The following MYH10 variants were observed in gnomAD, a reference collection of about 807,000 sequenced individuals.
MYH10 encodes myosin-10.
MYH10 carries 55 observed loss-of-function variants against 257.8 expected under a neutral mutation model. That is an observed-to-expected ratio of 0.21 (90% CI 0.17 to 0.27). The LOEUF is 0.27. Ranked by LOEUF, MYH10 falls within the 10% of genes least tolerant of loss-of-function variation. The pLI is 1.00. For synonymous variants in MYH10, 854 were observed against 921.7 expected (o/e 0.93, Z 1.33); for missense variants, 1,631 against 2,500.6 (o/e 0.65, Z 7.42).
chr17:8,548,398 T>A lies in MYH10; in HGVS notation c.1074A>T (p.Lys358Asn), dbSNP rs2082511851. ...FSHEEILSML[K>N]VVSSVLQFGN... is the part of the protein sequence containing the mutation. ...CAAACTGTAGCACTGAAGATACTAC[T>A]TTAAGCATTGCTTCATATTGATAAA... Residue 358 changes from lysine (K) to asparagine (N), a missense_variant, in exon 11 of 43, where the codon AAA (lysine) becomes AAT (asparagine). By Grantham distance (94) the Lys-to-Asn change is moderately conservative (BLOSUM62 0). Coordinates refer to ENST00000360416, the MANE Select transcript of MYH10 (RefSeq NM_001256012.3). 3 of 1,598,806 alleles carry A rather than the reference T, an allele frequency of 1.9e-6. No individual in the cohort carries two copies.
intron 35 of MYH10, among the ~76,000 whole-genome samples, chr17:8,488,192 C>T (rs553558099): frequency 1.3e-4 from 20 of 152,302 alleles, no homozygotes; most frequent in African/African-American, 4.8e-4. Flanking sequence ...GAGGTGGACA[C>T]ACCTGTCAGC....
chr17:8,484,299 T>G, intron 36 of MYH10, 33 bp from the exon 37 acceptor site: 1 of 1,582,606 alleles, frequency 6.3e-7, no homozygotes, highest in Non-Finnish European at 8.5e-7. Flanking sequence ...TGGGGTGGTT[T>G]ACATTCTTAG....
At chr17:8,547,227 G>A (rs1200003634) in intron 11 of MYH10, among the ~76,000 whole-genome samples, 1 of 152,124 alleles carries the variant, frequency 6.6e-6, no homozygotes, top group East Asian at 1.9e-4. Flanking sequence ...CTTTACAAGA[G>A]TGACCTGATC....
chr17:8,484,026 A>G, intron 37 of MYH10, 112 bp downstream of exon 37: 1 of 1,038,906 alleles, frequency 9.6e-7, no homozygotes, highest in African/African-American at 1.7e-5. Flanking sequence ...TAAAAAACAA[A>G]AATGTATACT....
In MYH10 at chr17:8,545,804, G is replaced by C. The variant is rs2082426083; in HGVS notation, c.1279-204C>G. On this transcript the variant is annotated intron_variant, in intron 12 of 42. Coordinates refer to ENST00000360416, the MANE Select transcript of MYH10 (RefSeq NM_001256012.3). The surrounding 1 kb of genome is among the most constrained non-coding windows in gnomAD (Gnocchi z 4.7). ...CAGGGAATAACGAATTTGGGGGATG[G>C]GTAAAGACGCCTAATAAAAATAAGC... is the stretch of plus-strand genomic sequence containing the variant. Among the ~76,000 whole-genome samples, 1 of 152,082 alleles carries C rather than the reference G, an allele frequency of 6.6e-6. No individual in the cohort carries two copies. Among genetic ancestry groups the C allele is most frequent in the Non-Finnish European group, 1.5e-5 (1 of 68,032 alleles).
intron 1 of MYH10, among the ~76,000 whole-genome samples, chr17:8,624,142 T>C (rs1417090462): frequency 6.6e-6 from 1 of 152,214 alleles, no homozygotes; most frequent in African/African-American, 2.4e-5. Flanking sequence ...AAGTACTGGT[T>C]CTGTGACATT....
In MYH10 at chr17:8,579,265, C is replaced by A. The variant is rs268455; in HGVS notation, c.531-1927G>T. Among the ~76,000 whole-genome samples the A allele has an allele frequency of 9.0e-3, 1,172 of 130,418 alleles. 10 individuals carry two copies. Among genetic ancestry groups the A allele is most frequent in the Admixed American group, 0.015 (201 of 13,140 alleles). The allele number at this position is 130,418 out of a possible 152,430, so 85.6% of individuals were successfully genotyped here. Reference sequence around the variant, plus strand: ...CTGCACCCCAGCCTGGGCAACAGAGCAAGACCCTGTCTAAAAAAAAAAAAA... The same window carrying A: ...CTGCACCCCAGCCTGGGCAACAGAGAAAGACCCTGTCTAAAAAAAAAAAAA... On this transcript the variant is annotated intron_variant, in intron 4 of 42. Coordinates refer to ENST00000360416, the MANE Select transcript of MYH10 (RefSeq NM_001256012.3).
chr17:8,532,909 T>A (rs1484983020), intron 16 of MYH10, among the ~76,000 whole-genome samples: 1 of 152,170 alleles, frequency 6.6e-6, no homozygotes, highest in East Asian at 1.9e-4. Context: ...GGTTAAGGGA[T>A]ATAAGACAAG....
chr17:8,618,469 C>A (rs1205240998), intron 2 of MYH10, among the ~76,000 whole-genome samples: 1 of 152,088 alleles, frequency 6.6e-6, no homozygotes, highest in East Asian at 1.9e-4. Flanking sequence ...GAACTCCTGA[C>A]CTCTGGTGAT....
intron 1 of MYH10, among the ~76,000 whole-genome samples, chr17:8,630,447 G>A (rs975723723): frequency 1.3e-5 from 2 of 152,024 alleles, no homozygotes; most frequent in African/African-American, 2.4e-5. Flanking sequence ...CCCCAGCCCA[G>A]GACCCTGCTC....
At chr17:8,534,259 A>C (rs1366756952) in intron 16 of MYH10, among the ~76,000 whole-genome samples, 1 of 152,186 alleles carries the variant, frequency 6.6e-6, no homozygotes, top group Non-Finnish European at 1.5e-5. Context: ...AAAGGTACAA[A>C]GATTAAAGGC....
chr17:8,513,361 T>C (rs2081360346), intron 23 of MYH10, among the ~76,000 whole-genome samples, 177 bp downstream of exon 23: 1 of 152,188 alleles, frequency 6.6e-6, no homozygotes, highest in African/African-American at 2.4e-5. Flanking sequence ...GCAGAATGTA[T>C]CTGTTAACTC....
intron 17 of MYH10, among the ~76,000 whole-genome samples, chr17:8,525,640 A>G (rs1449760938): frequency 6.6e-6 from 1 of 152,228 alleles, no homozygotes; most frequent in Non-Finnish European, 1.5e-5. Context: ...GTTCTTAAAC[A>G]CAATCTGCTG....
chr17:8,608,078 A>T (rs1187280658), intron 2 of MYH10, among the ~76,000 whole-genome samples: 1 of 152,230 alleles, frequency 6.6e-6, no homozygotes, highest in Non-Finnish European at 1.5e-5. Flanking sequence ...CGAGAAGACC[A>T]GCATAGCAAA....
chr17:8,602,021 G>T (rs935403901), intron 3 of MYH10, among the ~76,000 whole-genome samples: 1 of 150,394 alleles, frequency 6.6e-6, no homozygotes, highest in African/African-American at 2.4e-5. Context: ...TTTCGCCCAG[G>T]CCGGACCACA....
At chr17:8,592,932 G>A (rs868835510) in intron 3 of MYH10, among the ~76,000 whole-genome samples, 1 of 4,566 alleles carries the variant, frequency 2.2e-4, no homozygotes. Context: ...ATCAAATCCA[G>A]CTATATATAT....
rs191465163 is a variant in MYH10 at position 8,556,604 on chromosome 17, G to C, written c.757-2586C>G. ...GACAGAAACAGGTCAGTGGTTTCAG[G>C]GGCAGGGGCAGGAGGAGGGAACTGA... On this transcript the variant is annotated intron_variant, in intron 7 of 42. Coordinates refer to ENST00000360416, the MANE Select transcript of MYH10 (RefSeq NM_001256012.3). Among the ~76,000 whole-genome samples the C allele has an allele frequency of 3.3e-5, 5 of 152,334 alleles. No homozygotes were observed. The East Asian group carries it at 9.6e-4, about 29-fold the overall frequency.
chr17:8,618,251 C>CTTTTTTTTT (rs149959575), intron 2 of MYH10, among the ~76,000 whole-genome samples: 1 of 142,468 alleles, frequency 7.0e-6, no homozygotes, highest in Non-Finnish European at 1.5e-5. Flanking sequence ...TTCCTTTTTT[C>CTTTTTTTTT]TTTTTTTTTT....
chr17:8,571,156 A>C (rs1217935724), intron 6 of MYH10, among the ~76,000 whole-genome samples: 1 of 144,182 alleles, frequency 6.9e-6, no homozygotes, highest in Non-Finnish European at 1.5e-5. Context: ...CCCTTACCAG[A>C]CTATTTTTCC....
Sources: allele counts gnomAD v4.1 joint callset (sites outside exome capture counted in the v4.1 genomes callset), GRCh38; gene constraint gnomAD v4.1.1; non-coding constraint Gnocchi (gnomAD v3.1); transcripts MANE v1.5; gene names NCBI Gene and HGNC (gene_info 2026-07-23, HGNC 2026-07-21).